Variants in SAMD12 observed in about 807,000 individuals in gnomAD.
SAMD12 encodes the protein sterile alpha motif domain containing 12, also known as sterile alpha motif domain-containing protein 12.
SAMD12 carries 9 observed loss-of-function variants against 15.0 expected under a neutral mutation model. The observed-to-expected ratio is 0.60, with a 90% confidence interval of 0.36 to 1.05. The LOEUF is 1.05. SAMD12 is among the 50% of genes least tolerant of loss of function. SAMD12 has a pLI of 0.01. For missense variants in SAMD12, 230 were observed against 234.2 expected (o/e 0.98, Z 0.12); for synonymous variants, 86 against 90.1 (o/e 0.96, Z 0.25).
the SAMD12 span, among the ~76,000 whole-genome samples, chr8:118,168,194 T>A: frequency 6.6e-6 from 1 of 152,358 alleles, no homozygotes; most frequent in Middle Eastern, 3.4e-3. Flanking sequence ...TATGTCTTTA[T>A]CAGCAGCATG....
At chr8:118,524,459 A>G (rs529573364) in intron 2 of SAMD12, among the ~76,000 whole-genome samples, 1 of 152,066 alleles carries the variant, frequency 6.6e-6, no homozygotes, top group Non-Finnish European at 1.5e-5. Flanking sequence ...TAAATATTGG[A>G]TGCTGCAGTA....
At chr8:118,377,865 C>T (rs1350539411), downstream of SAMD12, 2 of 152,110 alleles carry the variant, frequency 1.3e-5, no homozygotes, top group Non-Finnish European at 2.9e-5. Context: ...AGAAGCTGGG[C>T]AGCTATGCTT....
intron 4 of SAMD12, among the ~76,000 whole-genome samples, chr8:118,201,422 T>C (rs1819710826): frequency 6.6e-6 from 1 of 152,014 alleles, no homozygotes; most frequent in Non-Finnish European, 1.5e-5. Flanking sequence ...CTAACAACTC[T>C]CTCCTGTGTG....
At chr8:118,194,442 A>T (rs1819498996) in exon 5 of SAMD12, 1 of 152,136 alleles carries the variant, frequency 6.6e-6, no homozygotes, top group Non-Finnish European at 1.5e-5. Context: ...TTTTCACACT[A>T]GCAGGACTGG....
At chr8:118,551,092 C>T (rs1023335669) in intron 2 of SAMD12, among the ~76,000 whole-genome samples, 11 of 152,124 alleles carry the variant, frequency 7.2e-5, no homozygotes, top group Admixed American at 4.6e-4. Context: ...CTTTAACACC[C>T]CACTGTCAAC....
intron 3 of SAMD12, among the ~76,000 whole-genome samples, chr8:118,418,400 T>C (rs1381107584): frequency 6.6e-6 from 1 of 152,036 alleles, no homozygotes; most frequent in Non-Finnish European, 1.5e-5. Flanking sequence ...GAAGAAGGGA[T>C]ATAGACTGCA....
At chr8:118,565,762 TC>T (rs1006032501) in intron 2 of SAMD12, among the ~76,000 whole-genome samples, 2 of 152,166 alleles carry the variant, frequency 1.3e-5, no homozygotes, top group African/African-American at 2.4e-5. Context: ...TCACCAGTTT[TC>T]CCTATTTCAC....
the SAMD12 span, among the ~76,000 whole-genome samples, chr8:118,144,322 G>T: frequency 6.6e-6 from 1 of 152,000 alleles, no homozygotes; most frequent in Non-Finnish European, 1.5e-5. Context: ...TTATTTTTTA[G>T]CCACTCTCCC....
At chr8:118,433,049 G>A (rs1822461317) in intron 3 of SAMD12, among the ~76,000 whole-genome samples, 1 of 152,174 alleles carries the variant, frequency 6.6e-6, no homozygotes, top group Non-Finnish European at 1.5e-5. Flanking sequence ...AGGGGGACAT[G>A]TACCTATATT....
At chr8:118,347,382 C>T (rs1462106600) in intron 4 of SAMD12, among the ~76,000 whole-genome samples, 3 of 152,180 alleles carry the variant, frequency 2.0e-5, no homozygotes, top group Non-Finnish European at 4.4e-5. Context: ...GGGAACCCTC[C>T]CAAAACCCAA....
intron 4 of SAMD12, among the ~76,000 whole-genome samples, chr8:118,357,927 C>T (rs1029125119): frequency 6.6e-6 from 1 of 152,128 alleles, no homozygotes; most frequent in East Asian, 1.9e-4. Context: ...GGGAGGATCC[C>T]TTAAGCCCAT....
chr8:118,609,035 C>A (rs1294852529), intron 1 of SAMD12, among the ~76,000 whole-genome samples: 7 of 152,202 alleles, frequency 4.6e-5, no homozygotes, highest in Non-Finnish European at 1.0e-4. Context: ...AGATCCCAAA[C>A]ATTTCTAAAA....
chr8:118,189,695 T>A (rs967180440), exon 5 of SAMD12: 1 of 152,022 alleles, frequency 6.6e-6, no homozygotes, highest in African/African-American at 2.4e-5. Flanking sequence ...GAAGGAAACA[T>A]AAGAATATAC....
At chr8:118,222,462 A>G (rs891924124) in intron 4 of SAMD12, among the ~76,000 whole-genome samples, 3 of 152,166 alleles carry the variant, frequency 2.0e-5, no homozygotes, top group Admixed American at 6.5e-5. Flanking sequence ...CCTCAGAATG[A>G]TTTTATAATA....
At chr8:118,548,793 C>A (rs57416344) in intron 2 of SAMD12, among the ~76,000 whole-genome samples, 3 of 152,170 alleles carry the variant, frequency 2.0e-5, no homozygotes, top group African/African-American at 4.8e-5. Context: ...GGGTGACAGA[C>A]GGCACCTGGA....
chr8:118,257,746 G>GAA (rs532431601), intron 4 of SAMD12, among the ~76,000 whole-genome samples: 203 of 152,136 alleles, frequency 1.3e-3, no homozygotes, highest in Middle Eastern at 6.8e-3. Context: ...GGCTGGTCCA[G>GAA]AATCACACCA....
intron 4 of SAMD12, among the ~76,000 whole-genome samples, chr8:118,260,188 A>G (rs1813045508): frequency 6.6e-6 from 1 of 152,142 alleles, no homozygotes; most frequent in Admixed American, 6.6e-5. Context: ...CCTGTGTTCC[A>G]TATACCTTAT....
intron 4 of SAMD12, among the ~76,000 whole-genome samples, chr8:118,366,042 T>C (rs1385528452): frequency 2.6e-5 from 4 of 152,178 alleles, no homozygotes; most frequent in Non-Finnish European, 5.9e-5. Context: ...TCTATCTTGC[T>C]TATCATATTT....
chr8:118,212,120 C>A (rs1393405755), intron 4 of SAMD12, among the ~76,000 whole-genome samples: 1 of 151,476 alleles, frequency 6.6e-6, no homozygotes, highest in Non-Finnish European at 1.5e-5. Flanking sequence ...ATCCAAGATA[C>A]ATTTTTTTCA....
Sources: gnomAD v4.1 joint callset for allele counts (sites outside exome capture counted in the v4.1 genomes callset) on GRCh38, gnomAD v4.1.1 for gene constraint, MANE v1.5 for transcripts, NCBI Gene and HGNC (gene_info 2026-07-23, HGNC 2026-07-21) for gene names.